ABHD6: variants seen among roughly 807,000 people sequenced by gnomAD.
ABHD6 encodes abhydrolase domain containing 6, acylglycerol lipase.
ABHD6 carries 33 observed loss-of-function variants against 38.8 expected under a neutral mutation model. The ratio of observed to expected loss-of-function variants is 0.85; its 90% confidence interval spans 0.64 to 1.14. ABHD6 has a LOEUF of 1.14. Among genes scored for constraint, ABHD6 ranks in the 50% most tolerant of loss-of-function variants. ABHD6 has a pLI of 0.00. For synonymous variants in ABHD6, 147 were observed against 161.6 expected (o/e 0.91, Z 0.69); for missense variants, 380 against 422.6 (o/e 0.90, Z 0.88).
chr3:58,281,355 C>T (rs1254637714), intron 7 of ABHD6, among the ~76,000 whole-genome samples: 1 of 152,234 alleles, frequency 6.6e-6, no homozygotes, highest in Non-Finnish European at 1.5e-5. Context: ...TCTCAGACTG[C>T]TGTGCTAGCA....
chr3:58,284,829 A>G (rs1314401835), intron 7 of ABHD6, among the ~76,000 whole-genome samples: 1 of 152,126 alleles, frequency 6.6e-6, no homozygotes, highest in East Asian at 1.9e-4. Context: ...TGTATTTAAC[A>G]TGCTGTAGGG....
chr3:58,258,262 G>A lies in ABHD6; in HGVS notation c.119+1557G>A, dbSNP rs368809863. On this transcript the variant is annotated intron_variant, in intron 3 of 9. Transcript: ENST00000478253. The stretch of plus-strand genomic sequence containing the variant: ...GTGGAGGTTGCGGTGAGCTGAGATC[G>A]CGCCATTGCACTCCAGCCTGGGCAA... 9.9e-5 allele frequency: 33 copies of A among 333,082 alleles called. No homozygotes were observed. In the East Asian group the frequency reaches 2.0e-3, roughly 20 times the overall value. 20.6% of individuals were successfully genotyped at this position (333,082 alleles called of 1,614,324 possible). A position where few individuals can be genotyped will look rare whatever the true frequency, so the allele number is the denominator to read the frequency against.
intron 7 of ABHD6, among the ~76,000 whole-genome samples, chr3:58,280,179 A>G (rs1435031285): frequency 1.3e-5 from 2 of 152,178 alleles, no homozygotes; most frequent in Non-Finnish European, 1.5e-5. Context: ...TATCCTGAAG[A>G]GTGTTTTCCA....
intron 9 of ABHD6, among the ~76,000 whole-genome samples, chr3:58,290,731 A>G (rs544779361): frequency 7.0e-6 from 1 of 142,540 alleles, no homozygotes; most frequent in Non-Finnish European, 1.5e-5. Context: ...CGCTCCTCAC[A>G]TCCCAGACGG....
At chr3:58,292,405 G>A (rs766429795) in intron 9 of ABHD6, among the ~76,000 whole-genome samples, 26 of 152,220 alleles carry the variant, frequency 1.7e-4, no homozygotes, top group Non-Finnish European at 2.8e-4. Context: ...GAGAAGGGGA[G>A]TGAATGCGGA....
intron 2 of ABHD6, among the ~76,000 whole-genome samples, chr3:58,250,146 A>G (rs1369092928): frequency 6.6e-6 from 1 of 152,160 alleles, no homozygotes; most frequent in Non-Finnish European, 1.5e-5. Flanking sequence ...GCCCCCTGCA[A>G]ATAGTTCTGA....
intron 5 of ABHD6, among the ~76,000 whole-genome samples, chr3:58,270,457 T>C (rs929763458): frequency 3.7e-5 from 5 of 133,734 alleles, no homozygotes; most frequent in Non-Finnish European, 6.2e-5. Flanking sequence ...TGGACCTTTA[T>C]AGAAAACTTC....
Position 58,266,095 on chromosome 3 carries a change from A to G in ABHD6, c.120-1094A>G, listed in dbSNP as rs1464857023. ...GTAAGAAGAGCTTTTAAGCTAGCCA[A>G]TGCTATTATGTTCTTTACGTTTTGA... On this transcript the variant is annotated intron_variant, in intron 3 of 9. Transcript: ENST00000478253. The surrounding 1 kb of genome is among the most constrained non-coding windows in gnomAD (Gnocchi z 4.0). Among the ~76,000 whole-genome samples the G allele has an allele frequency of 6.6e-6, 1 of 152,232 alleles. No homozygotes were observed. The highest frequency in any genetic ancestry group is 6.5e-5 in the Admixed American group (1 of 15,282).
At chr3:58,268,839 A>G (rs561340606) in intron 4 of ABHD6, among the ~76,000 whole-genome samples, 145 of 152,368 alleles carry the variant, frequency 9.5e-4, no homozygotes, top group Non-Finnish European at 1.6e-3. Context: ...ACCTTAATGT[A>G]AAAAGAAACC....
intron 9 of ABHD6, among the ~76,000 whole-genome samples, chr3:58,290,268 A>G (rs1162405821): frequency 1.8e-4 from 13 of 70,822 alleles, no homozygotes; most frequent in African/African-American, 2.3e-4. Context: ...CTCACCTCCC[A>G]GACGGGGCGG....
rs115044404 is a variant in ABHD6 at position 58,259,661 on chromosome 3, A to T, written c.119+2956A>T. Among the ~76,000 whole-genome samples, 195 of 152,360 alleles carry T rather than the reference A, an allele frequency of 1.3e-3. No homozygotes were observed. Among genetic ancestry groups the T allele is most frequent in the African/African-American group, 4.4e-3 (184 of 41,590 alleles). Reference sequence around the variant, plus strand: ...GTGCCACTACACTTCAGCCTGGGTGACAGAGATGAGACTCTGTCTAAATAA... The same window carrying T: ...GTGCCACTACACTTCAGCCTGGGTGTCAGAGATGAGACTCTGTCTAAATAA... On this transcript the variant is annotated intron_variant, in intron 3 of 9. Transcript: ENST00000478253. This position sits in a 1 kb window ranked among gnomAD's most constrained non-coding sequence, Gnocchi z 4.7.
Position 58,286,848 on chromosome 3 carries a change from G to GTATATATATATATA in ABHD6, c.837+1396_837+1397insATATATATATATAT, listed in dbSNP as rs60071781. On this transcript the variant is annotated intron_variant, in intron 9 of 9. Transcript: ENST00000478253. ...TGTGTGTGTGTGTGTGTGTGTGTGT[G>GTATATATATATATA]TGTGTATATATATATATATATGTAT... Among the ~76,000 whole-genome samples, 547 of 69,842 alleles carry GTATATATATATATA rather than the reference G, an allele frequency of 7.8e-3. 22 individuals carry two copies. The highest frequency in any genetic ancestry group is 0.029 in the East Asian group (32 of 1,112). The allele number at this position is 69,842 out of a possible 152,430, so 45.8% of individuals were successfully genotyped here.
rs1244721854 is a variant in ABHD6 at position 58,285,005 on chromosome 3, C to T, written c.682-80C>T. 2.2e-6 allele frequency: 3 copies of T among 1,339,256 alleles called. No homozygotes were observed. Among genetic ancestry groups the T allele is most frequent in the East Asian group, 4.6e-5 (2 of 43,648 alleles). The allele number at this position is 1,339,256 out of a possible 1,614,324, so 83.0% of individuals were successfully genotyped here. ...GCAATAAATTGCTGGACCTCATTCC[C>T]ATTCATTGTCCCAGAGCTGTGAGAG... On this transcript the variant is annotated intron_variant, in intron 7 of 9. Coordinates refer to ENST00000478253, the MANE Select transcript of ABHD6 (RefSeq NM_001320126.2). The surrounding 1 kb of genome is among the most constrained non-coding windows in gnomAD (Gnocchi z 4.9).
intron 7 of ABHD6, among the ~76,000 whole-genome samples, chr3:58,278,202 T>C (rs140025304): frequency 6.6e-6 from 1 of 152,348 alleles, no homozygotes; most frequent in Non-Finnish European, 1.5e-5. Context: ...GTACCTCTGG[T>C]AGAATTCGCC....
Position 58,263,108 on chromosome 3 carries a change from T to G in ABHD6, c.120-4081T>G, listed in dbSNP as rs2097438192. On this transcript the variant is annotated intron_variant, in intron 3 of 9. Transcript: ENST00000478253. This position sits in a 1 kb window ranked among gnomAD's most constrained non-coding sequence, Gnocchi z 4.9. ...CTGTAGTCCCAGCTACTTGGGAGGC[T>G]GAAGTGGGAGAATCGTTTGAAAGCA... is the stretch of plus-strand genomic sequence containing the variant. Among the ~76,000 whole-genome samples the G allele has an allele frequency of 6.6e-6, 1 of 152,162 alleles. No homozygotes were observed. The highest frequency in any genetic ancestry group is 1.5e-5 in the Non-Finnish European group (1 of 68,036).
At position 58,256,758 on chromosome 3, in the gene ABHD6, TCTC is replaced by T; in HGVS notation, c.119+54_119+56del. On this transcript the variant is annotated intron_variant, in intron 3 of 9. Transcript: ENST00000478253. The surrounding 1 kb of genome is among the most constrained non-coding windows in gnomAD (Gnocchi z 4.3). ...CAAGAGTATCATAATATTGACATCT[TCTC>T]TGCTTGTCCTTTTTGTGGTTATTGT... 7.4e-7 allele frequency: 1 copy of T among 1,350,354 alleles called. No homozygotes were observed. The highest frequency in any genetic ancestry group is 1.0e-6 in the Non-Finnish European group (1 of 952,956). The allele number at this position is 1,350,354 out of a possible 1,614,324, so 83.6% of individuals were successfully genotyped here.
chr3:58,290,919 C>T (rs1380489398), intron 9 of ABHD6, among the ~76,000 whole-genome samples: 1 of 148,632 alleles, frequency 6.7e-6, no homozygotes, highest in Non-Finnish European at 1.5e-5. Context: ...AGAGGGGCTC[C>T]TCACATCCCA....
intron 7 of ABHD6, among the ~76,000 whole-genome samples, chr3:58,282,807 T>C (rs1208846791): frequency 6.6e-6 from 1 of 152,168 alleles, no homozygotes; most frequent in East Asian, 1.9e-4. Context: ...TTGGGGAATA[T>C]GCCAAGGACT....
chr3:58,292,767 A>T (rs2107486046), intron 9 of ABHD6, among the ~76,000 whole-genome samples: 1 of 152,170 alleles, frequency 6.6e-6, no homozygotes, highest in African/African-American at 2.4e-5. Context: ...AAATACAAAA[A>T]TTAGCTGGGC....
Sources: gnomAD v4.1 joint callset for allele counts (sites outside exome capture counted in the v4.1 genomes callset) on GRCh38, gnomAD v4.1.1 for gene constraint, Gnocchi (gnomAD v3.1) non-coding constraint, MANE v1.5 for transcripts, NCBI Gene and HGNC (gene_info 2026-07-23, HGNC 2026-07-21) for gene names.